Variants in FAHD2A observed in about 807,000 individuals in gnomAD.
FAHD2A encodes the protein fumarylacetoacetate hydrolase domain containing 2A.
FAHD2A carries 27 observed loss-of-function variants against 33.4 expected under a neutral mutation model. The observed-to-expected ratio is 0.81, with a 90% CI of 0.60 to 1.11. The LOEUF is 1.11. FAHD2A is among the 50% of genes most tolerant of loss of function. The probability of loss-of-function intolerance (pLI) is 0.00; values close to 1 mark genes in which losing one functional copy is unlikely to be tolerated. For synonymous variants in FAHD2A, 130 were observed against 153.3 expected (o/e 0.85, Z 1.12); for missense variants, 296 against 395.0 (o/e 0.75, Z 2.12).
At chr2:95,411,804 T>C (rs1340035646) in intron 5 of FAHD2A, among the ~76,000 whole-genome samples, 1 of 152,214 alleles carries the variant, frequency 6.6e-6, no homozygotes, top group Non-Finnish European at 1.5e-5. Context: ...AGTCTTTTTT[T>C]TGCCATGGTC....
In FAHD2A at chr2:95,416,338, G is replaced by A. The variant is rs1445727587; in HGVS notation, c.*3381G>A. The A allele has an allele frequency of 1.3e-5, 2 of 152,278 alleles. No homozygotes were observed. Among genetic ancestry groups the A allele is most frequent in the African/African-American group, 4.8e-5 (2 of 41,454 alleles). 9.4% of individuals were successfully genotyped at this position (152,278 alleles called of 1,614,324 possible). On this transcript the variant is annotated 3_prime_UTR_variant, in exon 8 of 8. Transcript: ENST00000233379. ...AGGGAGGACAAGGTCACCAAGAGCT[G>A]AGAATGTTTCTCCGACTGATGAGAC...
At chr2:95,405,530 G>A in intron 1 of FAHD2A, 23 bp from the exon 2 acceptor site, 3 of 1,595,054 alleles carry the variant, frequency 1.9e-6, no homozygotes, top group Admixed American at 3.4e-5. Flanking sequence ...TCTGTCTCCT[G>A]GATCCTGCAT....
intron 2 of FAHD2A, among the ~76,000 whole-genome samples, 195 bp downstream of exon 2, chr2:95,405,998 T>A (rs58752521): frequency 4.9e-3 from 697 of 142,950 alleles, no homozygotes; most frequent in Middle Eastern, 0.011. Context: ...AGGAGAAAAC[T>A]GAGAGCTAGG....
At position 95,405,194 on chromosome 2, in the gene FAHD2A, A is replaced by C. The variant is rs149408755; in HGVS notation, c.-6-359A>C. 634 of 193,762 alleles carry C rather than the reference A, an allele frequency of 3.3e-3. 5 individuals are homozygous for C. The highest frequency in any genetic ancestry group is 0.014 in the African/African-American group (588 of 43,444). The allele number at this position is 193,762 out of a possible 1,614,324, so 12.0% of individuals were successfully genotyped here. On this transcript the variant is annotated intron_variant, in intron 1 of 7. Transcript: ENST00000233379. Reference sequence around the variant, plus strand: ...GCATTAGTCCTGATAGCTGAATCTTACGTCAGTTGTTAACATCTGTGACCT... The same window carrying C: ...GCATTAGTCCTGATAGCTGAATCTTCCGTCAGTTGTTAACATCTGTGACCT...
At chr2:95,419,804 GGAGA>G (rs760904948), downstream of FAHD2A, among the ~76,000 whole-genome samples, 2 of 151,160 alleles carry the variant, frequency 1.3e-5, no homozygotes, top group Non-Finnish European at 2.9e-5. Context: ...ATCTATACAT[GGAGA>G]GAGAGAGAGA....
Position 95,414,598 on chromosome 2 carries a change from GC to G in FAHD2A, c.*1647del. 3.9e-6 allele frequency: 1 copy of G among 256,448 alleles called. No homozygotes were observed. The highest frequency in any genetic ancestry group is 1.2e-4 in the East Asian group (1 of 8,112). 15.9% of individuals were successfully genotyped at this position (256,448 alleles called of 1,614,324 possible). On this transcript the variant is annotated 3_prime_UTR_variant, in exon 8 of 8. Transcript: ENST00000233379. ...TCCCTGCTCCAGAATTCTACTTGGT[GC>G]CCCCCAACCCCACTCGACTCATTGT...
rs1477767386 is a variant in FAHD2A at position 95,413,109 on chromosome 2, A to G, written c.*152A>G. The G allele has an allele frequency of 4.1e-6, 5 of 1,233,940 alleles. No individual in the cohort carries two copies. The African/African-American group carries it at 7.6e-5, about 19-fold the overall frequency. 76.4% of individuals were successfully genotyped at this position (1,233,940 alleles called of 1,614,324 possible). ...GGAGAAGGACAGAGCTCTCTTCAAT[A>G]AATTCGTCAGGTCAAAGCAGCAGCT... is the stretch of plus-strand genomic sequence containing the variant. On this transcript the variant is annotated 3_prime_UTR_variant, in exon 8 of 8. Transcript: ENST00000233379.
At chr2:95,410,694 A>G in intron 4 of FAHD2A, 108 bp downstream of exon 4, 1 of 1,558,992 alleles carries the variant, frequency 6.4e-7, no homozygotes, top group Non-Finnish European at 8.7e-7. Context: ...GCTGTCCCTG[A>G]CACTAGGAAG....
chr2:95,416,057 G>A lies in FAHD2A; in HGVS notation c.*3100G>A, dbSNP rs1302819558. ...ATGGCGAGGTGCAGGTGGCCGCTGG[G>A]CCCTGCTGTTCTACATGGGAGCAAG... On this transcript the variant is annotated 3_prime_UTR_variant, in exon 8 of 8. Transcript: ENST00000233379. 12 of 152,180 alleles carry A rather than the reference G, an allele frequency of 7.9e-5. No homozygotes were observed. The highest frequency in any genetic ancestry group is 1.8e-4 in the Non-Finnish European group (12 of 68,034). The allele number at this position is 152,180 out of a possible 1,614,324, so 9.4% of individuals were successfully genotyped here.
chr2:95,413,274 TC>T lies in FAHD2A; in HGVS notation c.*318del, dbSNP rs1412391553. The T allele has an allele frequency of 7.4e-7, 1 of 1,355,318 alleles. No individual in the cohort carries two copies. The highest frequency in any genetic ancestry group is 9.8e-7 in the Non-Finnish European group (1 of 1,015,260). The allele number at this position is 1,355,318 out of a possible 1,614,324, so 84.0% of individuals were successfully genotyped here. ...TGGGCTGGGGAAAAGACAATTCGTG[TC>T]GTCCCCTTGTTTATCACATCAAAGA... On this transcript the variant is annotated 3_prime_UTR_variant, in exon 8 of 8. Transcript: ENST00000233379.
chr2:95,407,660 G>GT (rs1681819675), intron 3 of FAHD2A: 1 of 157,636 alleles, frequency 6.3e-6, no homozygotes, highest in Non-Finnish European at 1.4e-5. Context: ...AAATGTTGCA[G>GT]TAAACATCCT....
intron 1 of FAHD2A, among the ~76,000 whole-genome samples, chr2:95,404,897 G>C (rs1170661452): frequency 6.6e-6 from 1 of 152,228 alleles, no homozygotes; most frequent in Non-Finnish European, 1.5e-5. Context: ...AGAGGCAGGT[G>C]GGGGCGCTGC....
chr2:95,407,947 A>G (rs1005801264), intron 3 of FAHD2A, among the ~76,000 whole-genome samples: 12 of 151,580 alleles, frequency 7.9e-5, no homozygotes, highest in Non-Finnish European at 1.5e-4. Flanking sequence ...CACTCAGATA[A>G]CTTTTCCACC....
chr2:95,410,450 G>T lies in FAHD2A; in HGVS notation c.463-77G>T. 1.9e-6 allele frequency: 3 copies of T among 1,545,020 alleles called. No homozygotes were observed. The East Asian group carries it at 7.3e-5, about 37-fold the overall frequency. On this transcript the variant is annotated intron_variant, in intron 3 of 7. Coordinates refer to ENST00000233379, the MANE Select transcript of FAHD2A (RefSeq NM_016044.3). The stretch of plus-strand genomic sequence containing the variant: ...TACTGACAAAGGTTGAGGCCCTTCA[G>T]CATGGTGTGCAGCCTCTCAGCATGG...
In FAHD2A at chr2:95,415,479, G is replaced by A. The variant is rs1683064020; in HGVS notation, c.*2522G>A. On this transcript the variant is annotated 3_prime_UTR_variant, in exon 8 of 8. Coordinates refer to ENST00000233379, the MANE Select transcript of FAHD2A (RefSeq NM_016044.3). ...CATTAGTAGGAACATGTGAGATGAA[G>A]CATGTTATGTTATTAGGCATTCTCT... 6.6e-6 allele frequency: 1 copy of A among 152,098 alleles called. No homozygotes were observed. The highest frequency in any genetic ancestry group is 2.4e-5 in the African/African-American group (1 of 41,278). 9.4% of individuals were successfully genotyped at this position (152,098 alleles called of 1,614,324 possible).
chr2:95,408,839 T>C (rs1045581729), intron 3 of FAHD2A, among the ~76,000 whole-genome samples: 4 of 152,238 alleles, frequency 2.6e-5, no homozygotes, highest in Admixed American at 6.5e-5. Context: ...TCTGCTGTTA[T>C]AGTGTGAAAA....
Position 95,414,013 on chromosome 2 carries a change from A to G in FAHD2A, c.*1056A>G. 3 of 1,453,992 alleles carry G rather than the reference A, an allele frequency of 2.1e-6. No homozygotes were observed. Among genetic ancestry groups the G allele is most frequent in the East Asian group, 2.3e-5 (1 of 43,968 alleles). 90.1% of individuals were successfully genotyped at this position (1,453,992 alleles called of 1,614,324 possible). On this transcript the variant is annotated 3_prime_UTR_variant, in exon 8 of 8. Coordinates refer to ENST00000233379, the MANE Select transcript of FAHD2A (RefSeq NM_016044.3). Reference sequence around the variant, plus strand: ...CTGATGGCAAGCTTTGGGTCTGCACACTCTGGAAAGAAGAGAGAAGTGAAG... The same window carrying G: ...CTGATGGCAAGCTTTGGGTCTGCACGCTCTGGAAAGAAGAGAGAAGTGAAG...
intron 4 of FAHD2A, 106 bp downstream of exon 4, chr2:95,410,692 T>C (rs1449461282): frequency 1.9e-5 from 29 of 1,561,466 alleles, no homozygotes; most frequent in Non-Finnish European, 2.4e-5. Context: ...CAGCTGTCCC[T>C]GACACTAGGA....
At chr2:95,407,693 T>C (rs1681826234) in intron 3 of FAHD2A, among the ~76,000 whole-genome samples, 1 of 152,226 alleles carries the variant, frequency 6.6e-6, no homozygotes, top group Non-Finnish European at 1.5e-5. Context: ...GCTTTGCATG[T>C]CCATTAATAC....
Sources: allele counts gnomAD v4.1 joint callset (sites outside exome capture counted in the v4.1 genomes callset), GRCh38; gene constraint gnomAD v4.1.1; transcripts MANE v1.5; gene names NCBI Gene and HGNC (gene_info 2026-07-23, HGNC 2026-07-21).